Variants in NBAS observed in about 807,000 individuals in gnomAD.
The protein encoded by NBAS is NBAS subunit of NRZ tethering complex, also known as NAG/BC035112 fusion.
Under a neutral mutation model 302.5 loss-of-function variants are expected in NBAS, and 219 were observed. The observed-to-expected ratio is 0.72, with a 90% CI of 0.65 to 0.81. The LOEUF (loss-of-function observed/expected upper bound fraction) is 0.81. Among genes scored for constraint, NBAS ranks in the 30% least tolerant of loss-of-function variants. The pLI, the probability that NBAS is intolerant of heterozygous loss-of-function variation, is 0.00. For synonymous variants in NBAS, 1,118 were observed against 1,021.6 expected (o/e 1.09, Z -1.80); for missense variants, 2,932 against 2,841.6 (o/e 1.03, Z -0.72).
At chr2:14,979,551 C>T in the NBAS span, among the ~76,000 whole-genome samples, 1 of 152,160 alleles carries the variant, frequency 6.6e-6, no homozygotes, top group Non-Finnish European at 1.5e-5. Context: ...GAGCAAATTT[C>T]CTCAAGTCAC....
At chr2:14,851,386 G>C in the NBAS span, among the ~76,000 whole-genome samples, 4 of 151,984 alleles carry the variant, frequency 2.6e-5, no homozygotes, top group African/African-American at 9.7e-5. Context: ...CCAGGAAGAA[G>C]TTGAATCTCT....
intron 16 of NBAS, 45 bp from the exon 17 acceptor site, chr2:15,468,578 T>A (rs1415448468): frequency 6.3e-7 from 1 of 1,596,000 alleles, no homozygotes; most frequent in Admixed American, 1.7e-5. Flanking sequence ...ATCCATGACA[T>A]CTTACAACAC....
the NBAS span, among the ~76,000 whole-genome samples, chr2:14,786,807 G>A: frequency 6.6e-6 from 1 of 152,118 alleles, no homozygotes; most frequent in African/African-American, 2.4e-5. Context: ...TGTTGATTTG[G>A]GGAGGAGAGT....
intron 48 of NBAS, among the ~76,000 whole-genome samples, chr2:15,208,575 AT>A (rs1558438578): frequency 6.6e-6 from 1 of 152,152 alleles, no homozygotes; most frequent in Non-Finnish European, 1.5e-5. Flanking sequence ...TTTACAGAAT[AT>A]TTCCCCCAAC....
intron 38 of NBAS, among the ~76,000 whole-genome samples, chr2:15,319,541 G>T (rs889422252): frequency 2.6e-5 from 4 of 151,928 alleles, no homozygotes; most frequent in African/African-American, 7.2e-5. Context: ...TCAAACAGAT[G>T]CAATAAAAAA....
At chr2:14,782,699 A>G in the NBAS span, among the ~76,000 whole-genome samples, 2 of 152,354 alleles carry the variant, frequency 1.3e-5, no homozygotes, top group East Asian at 3.9e-4. Flanking sequence ...AAGACAAGGA[A>G]TCAACCTAAA....
At chr2:15,383,410 G>A (rs533076352) in intron 28 of NBAS, 93 bp from the exon 29 acceptor site, 18 of 1,024,182 alleles carry the variant, frequency 1.8e-5, no homozygotes, top group Non-Finnish European at 2.6e-5. Context: ...AACAAAAACT[G>A]GTACCACCAC....
At chr2:15,258,132 T>A (rs1193079055) in intron 44 of NBAS, among the ~76,000 whole-genome samples, 2 of 152,210 alleles carry the variant, frequency 1.3e-5, no homozygotes, top group Non-Finnish European at 2.9e-5. Flanking sequence ...GAAGATTTCA[T>A]GGACATTTAT....
the NBAS span, among the ~76,000 whole-genome samples, chr2:14,894,863 A>C: frequency 0.038 from 5,777 of 152,080 alleles, 137 homozygotes; most frequent in Non-Finnish European, 0.051. Flanking sequence ...TCGAGACCAT[A>C]CTGGCTAACA....
At chr2:14,929,904 G>T in the NBAS span, among the ~76,000 whole-genome samples, 245 of 152,222 alleles carry the variant, frequency 1.6e-3, 1 homozygote, top group African/African-American at 5.7e-3. Flanking sequence ...GGATCATGGG[G>T]GCAGATTTCC....
At chr2:15,549,647 G>A (rs1466246379) in intron 6 of NBAS, among the ~76,000 whole-genome samples, 3 of 152,120 alleles carry the variant, frequency 2.0e-5, no homozygotes, top group East Asian at 1.9e-4. Flanking sequence ...AGGATCACCT[G>A]AGCCCAGGAG....
At chr2:14,817,002 G>A in the NBAS span, among the ~76,000 whole-genome samples, 1 of 152,136 alleles carries the variant, frequency 6.6e-6, no homozygotes, top group Non-Finnish European at 1.5e-5. Flanking sequence ...TAAAGTAGAG[G>A]TGACTCCATA....
intron 9 of NBAS, among the ~76,000 whole-genome samples, chr2:15,529,501 A>G (rs1663116030): frequency 6.6e-6 from 1 of 152,130 alleles, no homozygotes; most frequent in Non-Finnish European, 1.5e-5. Flanking sequence ...CAAATAAATA[A>G]ATAAAATAAA....
chr2:15,348,313 T>TTTGGAG (rs2148288800), intron 35 of NBAS, among the ~76,000 whole-genome samples: 1 of 152,182 alleles, frequency 6.6e-6, no homozygotes, highest in African/African-American at 2.4e-5. Flanking sequence ...AGACAATCAT[T>TTTGGAG]TTGGAAGAAC....
chr2:15,272,239 G>T (rs924423377), intron 44 of NBAS, among the ~76,000 whole-genome samples: 5 of 152,136 alleles, frequency 3.3e-5, no homozygotes, highest in East Asian at 1.9e-4. Context: ...ATGCACTCGA[G>T]AATTAGCTTA....
At chr2:15,506,144 A>T (rs915273554) in intron 10 of NBAS, among the ~76,000 whole-genome samples, 2 of 152,098 alleles carry the variant, frequency 1.3e-5, no homozygotes, top group African/African-American at 4.8e-5. Flanking sequence ...AGAAGATAGT[A>T]AGAAGCAGTA....
chr2:14,800,808 C>T, the NBAS span, among the ~76,000 whole-genome samples: 9 of 93,300 alleles, frequency 9.6e-5, no homozygotes, highest in African/African-American at 4.4e-4. Context: ...TTTTTTTAGG[C>T]ACTTACATTT....
chr2:15,337,127 C>A lies in NBAS; in HGVS notation c.4180-6362G>T, dbSNP rs867624955. ...CATCTCTACAAACAATTAAAAAATC[C>A]ATTTAATTGTTTAAATCTTATATTT... On this transcript the variant is annotated intron_variant, in intron 35 of 51. Transcript: ENST00000281513. Among the ~76,000 whole-genome samples, 3 of 152,020 alleles carry A rather than the reference C, an allele frequency of 2.0e-5. No individual in the cohort carries two copies. In the South Asian group the frequency reaches 6.2e-4, roughly 32 times the overall value.
chr2:15,030,919 G>A, the NBAS span, among the ~76,000 whole-genome samples: 26 of 152,156 alleles, frequency 1.7e-4, no homozygotes, highest in Non-Finnish European at 3.2e-4. Context: ...GCAAGAGATT[G>A]TGTGTGGCAA....
Sources: allele counts gnomAD v4.1 joint callset (sites outside exome capture counted in the v4.1 genomes callset), GRCh38; gene constraint gnomAD v4.1.1; transcripts MANE v1.5; gene names NCBI Gene and HGNC (gene_info 2026-07-23, HGNC 2026-07-21).